Variants in OVOL2 observed in about 807,000 individuals in gnomAD.
OVOL2 encodes the protein transcription factor Ovo-like 2.
OVOL2 carries 13 observed loss-of-function variants against 18.1 expected under a neutral mutation model. The observed-to-expected ratio is 0.72, with a 90% CI of 0.47 to 1.14. The LOEUF is 1.14. Ranked by LOEUF, OVOL2 falls within the 50% of genes most tolerant of loss-of-function variation. The pLI, the probability that OVOL2 is intolerant of heterozygous loss-of-function variation, is 0.00. For synonymous variants in OVOL2, 166 were observed against 162.7 expected (o/e 1.02, Z -0.16); for missense variants, 335 against 383.0 (o/e 0.87, Z 1.05).
chr20:18,046,055 C>T (rs1274732285), intron 2 of OVOL2, among the ~76,000 whole-genome samples: 3 of 152,114 alleles, frequency 2.0e-5, no homozygotes, highest in African/African-American at 7.2e-5. Context: ...CCAATCCAGC[C>T]ATCAGATATT....
chr20:18,048,763 T>A (rs2036746404), intron 2 of OVOL2, among the ~76,000 whole-genome samples: 1 of 152,048 alleles, frequency 6.6e-6, no homozygotes, highest in South Asian at 2.1e-4. Context: ...CAACCAACAT[T>A]CTCTCCTATC....
Position 18,057,774 on chromosome 20 carries a change from C to T in OVOL2, c.-140G>A, listed in dbSNP as rs2036845067. The T allele has an allele frequency of 1.4e-6, 2 of 1,405,282 alleles. No individual in the cohort carries two copies. Among genetic ancestry groups the T allele is most frequent in the East Asian group, 2.9e-5 (1 of 35,020 alleles). 87.1% of individuals were successfully genotyped at this position (1,405,282 alleles called of 1,614,324 possible). On this transcript the variant is annotated 5_prime_UTR_variant, in exon 1 of 4. Transcript: ENST00000278780. This position sits in a 1 kb window ranked among gnomAD's most constrained non-coding sequence, Gnocchi z 6.3. ...CCTGCCCTCTTCCTCCACCCCCCGC[C>T]GCGGCGCGGCCCAGGCCTCTCCCCC...
At chr20:18,053,908 T>C (rs1016026313) in intron 2 of OVOL2, among the ~76,000 whole-genome samples, 3 of 152,136 alleles carry the variant, frequency 2.0e-5, no homozygotes, top group Non-Finnish European at 4.4e-5. Flanking sequence ...CCACCAGAGC[T>C]TCATCCTTTC....
chr20:18,029,708 T>C (rs2036551067), intron 3 of OVOL2, among the ~76,000 whole-genome samples: 2 of 152,284 alleles, frequency 1.3e-5, no homozygotes, highest in African/African-American at 4.8e-5. Context: ...GATGGGTGCA[T>C]GGCTCACACC....
chr20:18,034,256 C>T (rs1023637573), intron 3 of OVOL2, among the ~76,000 whole-genome samples: 1 of 152,144 alleles, frequency 6.6e-6, no homozygotes, highest in African/African-American at 2.4e-5. Context: ...CTGACCTCGC[C>T]CAGGGCAGAC....
chr20:18,057,770 C>T lies in OVOL2; in HGVS notation c.-136G>A. 7.1e-7 allele frequency: 1 copy of T among 1,410,620 alleles called. No homozygotes were observed. Among genetic ancestry groups the T allele is most frequent in the East Asian group, 2.8e-5 (1 of 35,282 alleles). The allele number at this position is 1,410,620 out of a possible 1,614,324, so 87.4% of individuals were successfully genotyped here. A position where few individuals can be genotyped will look rare whatever the true frequency, so the allele number is the denominator to read the frequency against. On this transcript the variant is annotated 5_prime_UTR_variant, in exon 1 of 4. Coordinates refer to ENST00000278780, the MANE Select transcript of OVOL2 (RefSeq NM_021220.4). This position sits in a 1 kb window ranked among gnomAD's most constrained non-coding sequence, Gnocchi z 6.3. ...CTCGCCTGCCCTCTTCCTCCACCCC[C>T]CGCCGCGGCGCGGCCCAGGCCTCTC... is the stretch of plus-strand genomic sequence containing the variant.
At chr20:18,048,232 A>G (rs1457447282) in intron 2 of OVOL2, among the ~76,000 whole-genome samples, 1 of 152,092 alleles carries the variant, frequency 6.6e-6, no homozygotes, top group Non-Finnish European at 1.5e-5. Context: ...GTTTGCAGCG[A>G]GCCAAGATCA....
intron 3 of OVOL2, among the ~76,000 whole-genome samples, chr20:18,028,559 G>A (rs1337612522): frequency 1.3e-5 from 2 of 152,050 alleles, no homozygotes; most frequent in East Asian, 1.9e-4. Flanking sequence ...TTGGGAGGCC[G>A]GGCTGGGTGG....
chr20:18,045,541 G>T lies in OVOL2; in HGVS notation c.322-3818C>A, dbSNP rs151300851. ...GTATTATTTTGTTTGAAAAGAATAAGATCTTGAAGGGCACAGGGAAGGGAG... is the reference window on the plus strand; with the variant it reads ...GTATTATTTTGTTTGAAAAGAATAATATCTTGAAGGGCACAGGGAAGGGAG... On this transcript the variant is annotated intron_variant, in intron 2 of 3. Coordinates refer to ENST00000278780, the MANE Select transcript of OVOL2 (RefSeq NM_021220.4). Among the ~76,000 whole-genome samples the T allele has an allele frequency of 7.0e-4, 106 of 152,338 alleles. 2 individuals are homozygous for T. The East Asian group carries it at 0.019, about 27-fold the overall frequency.
chr20:18,047,788 A>T (rs566146232), intron 2 of OVOL2, among the ~76,000 whole-genome samples: 5 of 123,742 alleles, frequency 4.0e-5, no homozygotes, highest in African/African-American at 1.6e-4. Context: ...CGGGAGGCGG[A>T]GGTTGCAGTG....
At chr20:18,048,541 A>G (rs560962665) in intron 2 of OVOL2, among the ~76,000 whole-genome samples, 29 of 152,180 alleles carry the variant, frequency 1.9e-4, no homozygotes, top group African/African-American at 6.7e-4. Context: ...AGCCTGGCCA[A>G]CATGGTAAAA....
intron 3 of OVOL2, 113 bp from the exon 4 acceptor site, chr20:18,025,065 G>A: frequency 7.9e-7 from 1 of 1,272,100 alleles, no homozygotes; most frequent in Non-Finnish European, 1.1e-6. Context: ...GCAGCATGAG[G>A]ACAATGGTTA....
rs1555794800 is a variant in OVOL2, at chr20:18,034,651, TCACACACA to T, written c.511+6875_511+6882del. Among the ~76,000 whole-genome samples, 4 of 145,698 alleles carry T rather than the reference TCACACACA, an allele frequency of 2.7e-5. No individual in the cohort carries two copies. The South Asian group carries it at 6.5e-4, about 24-fold the overall frequency. On this transcript the variant is annotated intron_variant, in intron 3 of 3. Coordinates refer to ENST00000278780, the MANE Select transcript of OVOL2 (RefSeq NM_021220.4). ...TTCTCTCTCTCTCTCTCTCTCTCTC[TCACACACA>T]CACACACACACACCCCTCCGATTTA... is the stretch of plus-strand genomic sequence containing the variant.
intron 3 of OVOL2, among the ~76,000 whole-genome samples, chr20:18,025,630 G>A (rs980029780): frequency 6.6e-6 from 1 of 152,168 alleles, no homozygotes; most frequent in African/African-American, 2.4e-5. Flanking sequence ...AGTACAAGTA[G>A]TTTATTTGAG....
At chr20:18,051,379 A>G (rs1483829176) in intron 2 of OVOL2, among the ~76,000 whole-genome samples, 1 of 152,112 alleles carries the variant, frequency 6.6e-6, no homozygotes, top group Non-Finnish European at 1.5e-5. Flanking sequence ...CAAGCAGTAG[A>G]TGAGGCAAAG....
In OVOL2 at chr20:18,057,392, C is replaced by T. The variant is rs546816917; in HGVS notation, c.100+143G>A. 5.5e-4 allele frequency: 531 copies of T among 972,584 alleles called. 6 individuals carry two copies. In the East Asian group the frequency reaches 0.014, roughly 25 times the overall value. The allele number at this position is 972,584 out of a possible 1,614,324, so 60.2% of individuals were successfully genotyped here. A position where few individuals can be genotyped will look rare whatever the true frequency, so the allele number is the denominator to read the frequency against. ...CCCAGTCCCTCATTGCCTGCCCTAA[C>T]CCGCCTAGAAGACCCCCGCGTGCCC... On this transcript the variant is annotated intron_variant, in intron 1 of 3. Coordinates refer to ENST00000278780, the MANE Select transcript of OVOL2 (RefSeq NM_021220.4). This position sits in a 1 kb window ranked among gnomAD's most constrained non-coding sequence, Gnocchi z 6.3.
intron 3 of OVOL2, among the ~76,000 whole-genome samples, chr20:18,030,295 C>G (rs2122691643): frequency 6.6e-6 from 1 of 152,358 alleles, no homozygotes; most frequent in East Asian, 1.9e-4. Context: ...TTCCAACCTT[C>G]AGCTCATCAG....
At chr20:18,049,365 C>A (rs2036752168) in intron 2 of OVOL2, among the ~76,000 whole-genome samples, 1 of 152,124 alleles carries the variant, frequency 6.6e-6, no homozygotes, top group African/African-American at 2.4e-5. Context: ...AAAAAAAGAA[C>A]AACTTTTATT....
At chr20:18,033,359 G>A (rs571705257) in intron 3 of OVOL2, among the ~76,000 whole-genome samples, 1 of 152,174 alleles carries the variant, frequency 6.6e-6, no homozygotes, top group African/African-American at 2.4e-5. Context: ...CCCAGGAATG[G>A]CATGAGCCCT....
Sources: gnomAD v4.1 joint callset for allele counts (sites outside exome capture counted in the v4.1 genomes callset) on GRCh38, gnomAD v4.1.1 for gene constraint, Gnocchi (gnomAD v3.1) non-coding constraint, MANE v1.5 for transcripts, NCBI Gene and HGNC (gene_info 2026-07-23, HGNC 2026-07-21) for gene names.